The following SEM1 variants were observed in gnomAD, a reference collection of about 807,000 sequenced individuals.
The protein encoded by SEM1 is SEM1 26S proteasome subunit.
SEM1 carries 3 observed loss-of-function variants against 12.7 expected under a neutral mutation model. The observed-to-expected ratio is 0.24, with a 90% CI of 0.11 to 0.61. The LOEUF (loss-of-function observed/expected upper bound fraction) is 0.61. Ranked by LOEUF, SEM1 falls within the 20% of genes least tolerant of loss-of-function variation. The probability of loss-of-function intolerance (pLI) is 0.88; values close to 1 mark genes in which losing one functional copy is unlikely to be tolerated. For synonymous variants in SEM1, 30 were observed against 27.8 expected (o/e 1.08, Z -0.25); for missense variants, 59 against 81.3 (o/e 0.73, Z 1.06).
At chr7:96,654,443 T>C (rs1442590973) in intron 2 of SEM1, among the ~76,000 whole-genome samples, 1 of 152,220 alleles carries the variant, frequency 6.6e-6, no homozygotes, top group African/African-American at 2.4e-5. Flanking sequence ...GTGTGAAAGC[T>C]GTAGGCATTC....
At chr7:96,674,312 G>T (rs1223339975) in intron 2 of SEM1, among the ~76,000 whole-genome samples, 2 of 152,056 alleles carry the variant, frequency 1.3e-5, no homozygotes, top group African/African-American at 4.8e-5. Flanking sequence ...AGGGCTTATA[G>T]AGCAGTGTTT....
chr7:96,559,199 A>C (rs1805619782), intron 2 of SEM1, among the ~76,000 whole-genome samples: 1 of 152,074 alleles, frequency 6.6e-6, no homozygotes, highest in Admixed American at 6.5e-5. Context: ...TTAGTATATA[A>C]ATTTTTTCAT....
chr7:96,618,503 T>G (rs1419937484), downstream of SEM1, among the ~76,000 whole-genome samples: 2 of 152,196 alleles, frequency 1.3e-5, no homozygotes, highest in African/African-American at 4.8e-5. Flanking sequence ...CCTTTTCCCC[T>G]TCAGGAGAAC....
chr7:96,565,391 C>T lies in SEM1; in HGVS notation c.171-58693G>A, dbSNP rs534501398. ...TATTGCACTATAAGTTGTAATGGCC[C>T]GGAGGCAGCCATTATAGTCTAAAGG... On this transcript the variant is annotated intron_variant and NMD_transcript_variant, in intron 2 of 3. Transcript: ENST00000466986. Among the ~76,000 whole-genome samples, 45 of 151,744 alleles carry T rather than the reference C, an allele frequency of 3.0e-4. No individual in the cohort carries two copies. In the East Asian group the frequency reaches 7.0e-3, roughly 23 times the overall value.
intron 1 of SEM1, among the ~76,000 whole-genome samples, chr7:96,705,689 G>A (rs866948643): frequency 5.5e-4 from 84 of 151,748 alleles, no homozygotes; most frequent in South Asian, 1.7e-3. Flanking sequence ...GCGTGGTGAC[G>A]GGCACCTGTA....
At chr7:96,541,106 A>G (rs1443568369) in intron 2 of SEM1, among the ~76,000 whole-genome samples, 1 of 151,902 alleles carries the variant, frequency 6.6e-6, no homozygotes, top group East Asian at 1.9e-4. Context: ...ATATTCAGTA[A>G]TGAGATTGCT....
At position 96,512,984 on chromosome 7, in the gene SEM1, C is replaced by A. The variant is rs574359527; in HGVS notation, c.171-6286G>T. 1.4e-4 allele frequency among the ~76,000 whole-genome samples: 22 copies of A among 152,232 alleles called. 1 individual carries two copies. In the South Asian group the frequency reaches 1.7e-3, roughly 11 times the overall value. ...ATGGATTGAATTACACACTGCCCCT[C>A]CCATATACTGAAGTCCTCATTCCCA... On this transcript the variant is annotated intron_variant and NMD_transcript_variant, in intron 2 of 3. Transcript: ENST00000466986.
chr7:96,666,006 T>A (rs1287556271), intron 2 of SEM1, among the ~76,000 whole-genome samples: 1 of 152,148 alleles, frequency 6.6e-6, no homozygotes, highest in Admixed American at 6.5e-5. Flanking sequence ...TGACTTCAAG[T>A]CCATGCACTT....
chr7:96,574,394 ATAC>A (rs776419148), intron 2 of SEM1, among the ~76,000 whole-genome samples: 97,398 of 150,916 alleles, frequency 0.65, 31,572 homozygotes, highest in Non-Finnish European at 0.68. Context: ...CGCAATAAAC[ATAC>A]GTGTGCATGT....
chr7:96,558,688 G>C (rs1805605746), intron 2 of SEM1, among the ~76,000 whole-genome samples: 1 of 152,120 alleles, frequency 6.6e-6, no homozygotes, highest in Non-Finnish European at 1.5e-5. Flanking sequence ...GAGGCAAGAA[G>C]GTCTTCGTAA....
chr7:96,562,518 A>G (rs1414532269), intron 2 of SEM1, among the ~76,000 whole-genome samples: 1 of 152,232 alleles, frequency 6.6e-6, no homozygotes, highest in East Asian at 1.9e-4. Context: ...TACGCTAAAA[A>G]TTAAAAAATA....
intron 2 of SEM1, among the ~76,000 whole-genome samples, chr7:96,628,263 T>C (rs1448996516): frequency 1.3e-5 from 2 of 152,132 alleles, no homozygotes; most frequent in Non-Finnish European, 2.9e-5. Context: ...AAGAAGTACT[T>C]ACTCCTGCCA....
chr7:96,619,388 A>G (rs1345683166), downstream of SEM1, among the ~76,000 whole-genome samples: 1 of 149,270 alleles, frequency 6.7e-6, no homozygotes, highest in Non-Finnish European at 1.5e-5. Context: ...TGATTTTCTT[A>G]GTGACTTAAG....
At chr7:96,519,864 T>C (rs1804215513) in intron 2 of SEM1, among the ~76,000 whole-genome samples, 2 of 152,034 alleles carry the variant, frequency 1.3e-5, no homozygotes, top group Admixed American at 1.3e-4. Flanking sequence ...AGCAAGCTTA[T>C]TTGGTGACGG....
chr7:96,650,177 A>G (rs960944000), intron 2 of SEM1: 1 of 295,218 alleles, frequency 3.4e-6, no homozygotes, highest in African/African-American at 2.2e-5. Context: ...AATAGCTCAA[A>G]GGCAGAGGTT....
intron 2 of SEM1, among the ~76,000 whole-genome samples, chr7:96,568,782 AAAAT>A (rs1456523557): frequency 1.3e-5 from 2 of 151,902 alleles, no homozygotes; most frequent in African/African-American, 2.4e-5. Context: ...TACTGTGGAT[AAAAT>A]AAATAAAACA....
intron 3 of SEM1, among the ~76,000 whole-genome samples, chr7:96,505,452 C>T (rs1244913194): frequency 6.6e-6 from 1 of 152,014 alleles, no homozygotes; most frequent in East Asian, 1.9e-4. Flanking sequence ...TATTGTTAAT[C>T]CATTAGTTCA....
chr7:96,676,805 T>C (rs1338119562), intron 2 of SEM1, among the ~76,000 whole-genome samples: 1 of 152,220 alleles, frequency 6.6e-6, no homozygotes, highest in Non-Finnish European at 1.5e-5. Context: ...AACAGCATTA[T>C]TGTTAAGAAG....
intron 2 of SEM1, among the ~76,000 whole-genome samples, chr7:96,656,104 T>C (rs1256930433): frequency 1.3e-5 from 2 of 152,318 alleles, no homozygotes; most frequent in East Asian, 3.9e-4. Flanking sequence ...GCTCTTGCCC[T>C]GGGCAGGAGG....
Sources: gnomAD v4.1 joint callset for allele counts (sites outside exome capture counted in the v4.1 genomes callset) on GRCh38, gnomAD v4.1.1 for gene constraint, MANE v1.5 for transcripts, NCBI Gene and HGNC (gene_info 2026-07-23, HGNC 2026-07-21) for gene names.